The following OFD1 variants were observed in gnomAD, a reference collection of about 807,000 sequenced individuals.
OFD1 encodes centriole and centriolar satellite protein OFD1.
In OFD1, 12 loss-of-function variants were observed where a neutral mutation model predicts 81.4. That is an observed-to-expected ratio of 0.15 (90% CI 0.09 to 0.24). OFD1 has a LOEUF of 0.24. Among genes scored for constraint, OFD1 ranks in the 10% least tolerant of loss-of-function variants. OFD1 has a pLI of 1.00. For synonymous variants in OFD1, 256 were observed against 263.7 expected, an observed-to-expected ratio of 0.97 and a Z score of 0.28; for missense variants, 685 against 733.9, an observed-to-expected ratio of 0.93 and a Z score of 0.77.
At chrX:13,762,573 C>T (rs1482049851) in intron 18 of OFD1, 129 bp downstream of exon 18, 4 of 462,367 alleles carry the variant, frequency 8.7e-6, no homozygotes, top group African/African-American at 4.9e-5. Flanking sequence ...TGTGATACAA[C>T]CACAAGTACA....
upstream of OFD1, among the ~76,000 whole-genome samples, chrX:13,730,309 C>A (rs2046647539): frequency 9.0e-6 from 1 of 111,439 alleles, no homozygotes. Flanking sequence ...CCAACAGACA[C>A]ATGAAAAAAA....
chrX:13,768,457 T>A (rs1159452986), intron 21 of OFD1, among the ~76,000 whole-genome samples: 1 of 112,313 alleles, frequency 8.9e-6, no homozygotes, highest in East Asian at 2.8e-4. Flanking sequence ...TTTGTAAAAG[T>A]TGGGGTGGCT....
intron 7 of OFD1, 106 bp downstream of exon 7, chrX:13,746,561 G>T (rs897715311): frequency 2.0e-6 from 2 of 994,860 alleles, no homozygotes; most frequent in Non-Finnish European, 2.8e-6. Context: ...AATAACGAAT[G>T]GGATACTGTA....
intron 5 of OFD1, 85 bp from the exon 6 acceptor site, chrX:13,744,330 A>G: frequency 1.8e-6 from 1 of 549,753 alleles, no homozygotes; most frequent in East Asian, 3.6e-5. Flanking sequence ...AAAAAATGAT[A>G]ATGTCCTAAA....
chrX:13,724,712 C>G, the OFD1 span, among the ~76,000 whole-genome samples: 1 of 112,449 alleles, frequency 8.9e-6, no homozygotes, highest in Non-Finnish European at 1.9e-5. Context: ...TTCTGCATTT[C>G]CAACTGAGGT....
At chrX:13,738,258 T>C (rs2046952544) in intron 3 of OFD1, among the ~76,000 whole-genome samples, 1 of 112,718 alleles carries the variant, frequency 8.9e-6, no homozygotes, top group African/African-American at 3.2e-5. Context: ...ATCCTATTCA[T>C]ACAACTTAAC....
chrX:13,768,242 AG>A lies in OFD1; in HGVS notation c.2928+21del. 1 of 1,159,329 alleles carries A rather than the reference AG, an allele frequency of 8.6e-7. No individual in the cohort carries two copies. The highest frequency in any genetic ancestry group is 1.2e-6 in the Non-Finnish European group (1 of 847,364). ...CAGATAAGGTGCCAGTGCCATGGGC[AG>A]GGCAATCTGTGGGTGGGGGACATCC... On this transcript the variant is annotated intron_variant, in intron 21 of 22. Transcript: ENST00000340096.
At chrX:13,730,218 T>C (rs748366695), upstream of OFD1, among the ~76,000 whole-genome samples, 1 of 108,054 alleles carries the variant, frequency 9.3e-6, no homozygotes, top group East Asian at 2.9e-4. Flanking sequence ...CTCAAACAAA[T>C]TTATAAGAAA....
chrX:13,727,850 T>C, the OFD1 span, among the ~76,000 whole-genome samples: 1 of 111,300 alleles, frequency 9.0e-6, no homozygotes, highest in Non-Finnish European at 1.9e-5. Flanking sequence ...GATAGACCAC[T>C]AGCAAGACTA....
chrX:13,741,340 G>T (rs2238909), intron 5 of OFD1, among the ~76,000 whole-genome samples: 31,610 of 110,103 alleles, frequency 0.29, 3,468 homozygotes, highest in Admixed American at 0.47. Flanking sequence ...CTCCTGGTAA[G>T]ATAAAATTTT....
At chrX:13,740,033 C>T (rs1408538370) in intron 5 of OFD1, 33 of 926,006 alleles carry the variant, frequency 3.6e-5, no homozygotes, top group East Asian at 1.5e-4. Context: ...TTTATTCATC[C>T]ATTCATTCGC....
At chrX:13,751,572 G>A (rs2047503803) in intron 10 of OFD1, among the ~76,000 whole-genome samples, 1 of 111,531 alleles carries the variant, frequency 9.0e-6, no homozygotes, top group Non-Finnish European at 1.9e-5. Context: ...GGTGGCTCAT[G>A]CCTATAATCC....
the OFD1 span, chrX:13,719,862 C>A: frequency 8.7e-7 from 1 of 1,153,256 alleles, no homozygotes; most frequent in Non-Finnish European, 1.2e-6. Flanking sequence ...CATAAAAATT[C>A]TTACGTACTT....
chrX:13,768,967 G>C, intron 22 of OFD1, 99 bp from the exon 23 acceptor site: 2 of 774,867 alleles, frequency 2.6e-6, no homozygotes, highest in Non-Finnish European at 4.0e-6. Flanking sequence ...GTAAACTAGG[G>C]CAGAAACCCC....
At chrX:13,720,140 T>G in the OFD1 span, 1 of 328,964 alleles carries the variant, frequency 3.0e-6, no homozygotes, top group Non-Finnish European at 5.2e-6. Flanking sequence ...CGAAGATACG[T>G]AGCTTCTGGA....
intron 11 of OFD1, among the ~76,000 whole-genome samples, chrX:13,753,957 A>G (rs939345084): frequency 2.7e-5 from 3 of 111,152 alleles, no homozygotes; most frequent in African/African-American, 9.8e-5. Flanking sequence ...TAATTTTTCA[A>G]TCTTCAGATG....
At chrX:13,736,909 G>A (rs750951591) in intron 3 of OFD1, among the ~76,000 whole-genome samples, 5 of 112,306 alleles carry the variant, frequency 4.5e-5, no homozygotes, top group Admixed American at 9.4e-5. Context: ...GTGATGTATA[G>A]AATCTCTAAA....
At chrX:13,741,182 T>G (rs938364281) in intron 5 of OFD1, among the ~76,000 whole-genome samples, 5 of 111,611 alleles carry the variant, frequency 4.5e-5, no homozygotes, top group Non-Finnish European at 9.4e-5. Context: ...TAAATGCATC[T>G]GGTTCAGAAA....
chrX:13,733,759 C>G (rs1053205313), upstream of OFD1, among the ~76,000 whole-genome samples: 1 of 107,931 alleles, frequency 9.3e-6, no homozygotes, highest in African/African-American at 3.4e-5. Context: ...TTTTTTTTTT[C>G]TTTTAATGAT....
Sources: allele counts gnomAD v4.1 joint callset (sites outside exome capture counted in the v4.1 genomes callset), GRCh38; gene constraint gnomAD v4.1.1; transcripts MANE v1.5; gene names NCBI Gene and HGNC (gene_info 2026-07-23, HGNC 2026-07-21).